Variants in GRIK2 observed in about 807,000 individuals in gnomAD.
GRIK2 encodes glutamate receptor ionotropic, kainate 2.
A neutral mutation model predicts 100.3 loss-of-function variants in GRIK2; 32 were observed. The observed-to-expected ratio is 0.32, with a 90% CI of 0.24 to 0.43. GRIK2 has a LOEUF of 0.43. Among genes scored for constraint, GRIK2 ranks in the 20% least tolerant of loss-of-function variants. The pLI is 1.00. For synonymous variants in GRIK2, 417 were observed against 389.4 expected (o/e 1.07, Z -0.83); for missense variants, 843 against 1,114.9 (o/e 0.76, Z 3.47).
At chr6:101,422,651 C>G (rs762230846) in intron 2 of GRIK2, among the ~76,000 whole-genome samples, 1 of 151,620 alleles carries the variant, frequency 6.6e-6, no homozygotes, top group African/African-American at 2.4e-5. Context: ...TTACTCCACC[C>G]CTGCCTTTGA....
intron 1 of GRIK2, among the ~76,000 whole-genome samples, chr6:101,395,394 A>G (rs1774962069): frequency 6.6e-6 from 1 of 152,134 alleles, no homozygotes; most frequent in Non-Finnish European, 1.5e-5. Flanking sequence ...ATTTAAATAT[A>G]GCTATGGCAT....
At chr6:101,417,452 A>G (rs772307636) in intron 2 of GRIK2, among the ~76,000 whole-genome samples, 2 of 152,152 alleles carry the variant, frequency 1.3e-5, no homozygotes, top group African/African-American at 2.4e-5. Flanking sequence ...TAAGATAGAG[A>G]TTCTAGAAAT....
intron 4 of GRIK2, among the ~76,000 whole-genome samples, chr6:101,674,926 G>A (rs997307824): frequency 1.3e-5 from 2 of 151,976 alleles, no homozygotes; most frequent in Admixed American, 6.6e-5. Flanking sequence ...GCATATTTAT[G>A]GAGTATAATG....
intron 2 of GRIK2, among the ~76,000 whole-genome samples, chr6:101,443,696 A>G (rs1009279474): frequency 6.6e-6 from 1 of 152,028 alleles, no homozygotes; most frequent in African/African-American, 2.4e-5. Flanking sequence ...ATATGTGCAT[A>G]TATTTGGGAG....
Position 102,056,008 on chromosome 6 carries a change from TAG to T in GRIK2, c.2562+433_2562+434del, listed in dbSNP as rs573427966. ...ACAATATGGGTTAACAGTTTCAAGT[TAG>T]AGAGTAAGTTTTTATCTGAATAGCT... On this transcript the variant is annotated intron_variant, in intron 16 of 16. Coordinates refer to ENST00000369134, the MANE Select transcript of GRIK2 (RefSeq NM_021956.5). Among the ~76,000 whole-genome samples, 18 of 151,916 alleles carry T rather than the reference TAG, an allele frequency of 1.2e-4. No individual in the cohort carries two copies. In the East Asian group the frequency reaches 3.3e-3, roughly 28 times the overall value.
intron 14 of GRIK2, among the ~76,000 whole-genome samples, chr6:101,948,798 A>G (rs1426039325): frequency 6.6e-6 from 1 of 152,058 alleles, no homozygotes; most frequent in Non-Finnish European, 1.5e-5. Context: ...AAAGCAAAAC[A>G]AGAAAACAAT....
At chr6:101,972,083 A>T (rs1458343129) in intron 14 of GRIK2, among the ~76,000 whole-genome samples, 2 of 152,140 alleles carry the variant, frequency 1.3e-5, no homozygotes, top group Non-Finnish European at 2.9e-5. Context: ...TTTTGGTAGA[A>T]TGATTTATTT....
Position 101,703,659 on chromosome 6 carries a change from A to C in GRIK2, c.951+17306A>C, listed in dbSNP as rs187117549. The stretch of plus-strand genomic sequence containing the variant: ...CTGAAGAGATACATAAAGTCACATA[A>C]ATTTTTTTTAAACATTGAATTAAGG... On this transcript the variant is annotated intron_variant, in intron 7 of 16. Transcript: ENST00000369134. Among the ~76,000 whole-genome samples the C allele has an allele frequency of 2.6e-5, 4 of 151,872 alleles. No homozygotes were observed. The East Asian group carries it at 7.8e-4, about 30-fold the overall frequency.
At chr6:101,500,666 A>G (rs1773702097) in intron 2 of GRIK2, among the ~76,000 whole-genome samples, 1 of 152,068 alleles carries the variant, frequency 6.6e-6, no homozygotes, top group South Asian at 2.1e-4. Flanking sequence ...TGACGGAAGG[A>G]AAGTACATAC....
intron 2 of GRIK2, among the ~76,000 whole-genome samples, chr6:101,504,165 G>GA (rs1398681147): frequency 6.6e-6 from 1 of 151,992 alleles, no homozygotes; most frequent in East Asian, 1.9e-4. Context: ...ACTGATCCAT[G>GA]AAACAACTGA....
chr6:101,786,432 G>A (rs1169415157), intron 7 of GRIK2, among the ~76,000 whole-genome samples: 1 of 151,954 alleles, frequency 6.6e-6, no homozygotes, highest in Non-Finnish European at 1.5e-5. Context: ...ATTTGTAGGT[G>A]TGTCATATAT....
chr6:101,735,522 C>T (rs2128373881), intron 7 of GRIK2, among the ~76,000 whole-genome samples: 1 of 152,254 alleles, frequency 6.6e-6, no homozygotes, highest in Non-Finnish European at 1.5e-5. Flanking sequence ...GAGCAAGTCA[C>T]ATCTTAGGTG....
At chr6:101,898,836 A>C (rs1019873816) in intron 12 of GRIK2, among the ~76,000 whole-genome samples, 8 of 151,972 alleles carry the variant, frequency 5.3e-5, no homozygotes, top group African/African-American at 1.9e-4. Context: ...ATGTTAAATA[A>C]TAATGTACAG....
In GRIK2 at chr6:101,760,574, T is replaced by TTTTATATA. The variant is rs1562364306; in HGVS notation, c.952-39073_952-39072insTTATATAT. ...ATTATATATAATTAATTATATTTAATTAATTATATATAATTATATATAATT... is the reference window on the plus strand; with the variant it reads ...ATTATATATAATTAATTATATTTAATTTTATATATAATTATATATAATTATATATAATT... On this transcript the variant is annotated intron_variant, in intron 7 of 16. Coordinates refer to ENST00000369134, the MANE Select transcript of GRIK2 (RefSeq NM_021956.5). 7.2e-5 allele frequency among the ~76,000 whole-genome samples: 6 copies of TTTTATATA among 83,364 alleles called. 1 individual carries two copies. The highest frequency in any genetic ancestry group is 4.3e-4 in the African/African-American group (6 of 14,010). The allele number at this position is 83,364 out of a possible 152,430, so 54.7% of individuals were successfully genotyped here.
At chr6:101,931,725 A>G (rs887289435) in intron 14 of GRIK2, among the ~76,000 whole-genome samples, 8 of 152,118 alleles carry the variant, frequency 5.3e-5, no homozygotes, top group African/African-American at 1.7e-4. Flanking sequence ...TAAAGCCATG[A>G]CTGGAAAAAA....
intron 7 of GRIK2, among the ~76,000 whole-genome samples, chr6:101,700,396 T>A (rs558210900): frequency 9.2e-4 from 140 of 152,060 alleles, no homozygotes; most frequent in Non-Finnish European, 1.5e-3. Context: ...TAAAATAGCA[T>A]TTTGATAAAA....
At chr6:101,440,903 G>GT (rs1406786860) in intron 2 of GRIK2, among the ~76,000 whole-genome samples, 2 of 135,830 alleles carry the variant, frequency 1.5e-5, no homozygotes, top group African/African-American at 2.8e-5. Flanking sequence ...TTTTTTTTTT[G>GT]TTTTTTGTTT....
In GRIK2 at chr6:101,486,810, A is replaced by C. The variant is rs1772859140; in HGVS notation, c.115+87418A>C. Among the ~76,000 whole-genome samples the C allele has an allele frequency of 1.4e-5, 2 of 146,778 alleles. 1 individual carries two copies. The highest frequency in any genetic ancestry group is 1.4e-4 in the Admixed American group (2 of 14,748). Reference sequence around the variant, plus strand: ...GCAACTGTGAGGTATTTTGATTTACAAGTGTCTCTCTCAGTAACGAAGTAT... The same window carrying C: ...GCAACTGTGAGGTATTTTGATTTACCAGTGTCTCTCTCAGTAACGAAGTAT... On this transcript the variant is annotated intron_variant, in intron 2 of 16. Coordinates refer to ENST00000369134, the MANE Select transcript of GRIK2 (RefSeq NM_021956.5).
At chr6:101,932,273 G>A (rs1231843553) in intron 14 of GRIK2, among the ~76,000 whole-genome samples, 1 of 151,910 alleles carries the variant, frequency 6.6e-6, no homozygotes, top group Non-Finnish European at 1.5e-5. Flanking sequence ...AGTATCAAAG[G>A]AAGAAACATG....
Sources: gnomAD v4.1 joint callset for allele counts (sites outside exome capture counted in the v4.1 genomes callset) on GRCh38, gnomAD v4.1.1 for gene constraint, MANE v1.5 for transcripts, NCBI Gene and HGNC (gene_info 2026-07-23, HGNC 2026-07-21) for gene names.